VWA8: variants seen among roughly 807,000 people sequenced by gnomAD.
VWA8 encodes the protein von Willebrand factor A domain containing 8.
VWA8 carries 221 observed loss-of-function variants against 241.5 expected under a neutral mutation model. The observed-to-expected ratio is 0.91, with a 90% confidence interval of 0.82 to 1.02. The LOEUF (loss-of-function observed/expected upper bound fraction) is 1.02, where lower values mean the gene tolerates loss of function less well. VWA8 is among the 50% of genes least tolerant of loss of function. VWA8 has a pLI of 0.00. For synonymous variants in VWA8, 852 were observed against 827.1 expected (o/e 1.03, Z -0.52); for missense variants, 2,322 against 2,328.7 (o/e 1.00, Z 0.06).
At chr13:41,875,972 A>T (rs1873878932) in intron 9 of VWA8, among the ~76,000 whole-genome samples, 1 of 152,018 alleles carries the variant, frequency 6.6e-6, no homozygotes. Flanking sequence ...CTCCAACTTC[A>T]TCATTCACGT....
At chr13:41,691,257 G>C in intron 32 of VWA8, 63 bp downstream of exon 32, 11 of 1,542,608 alleles carry the variant, frequency 7.1e-6, no homozygotes, top group Non-Finnish European at 9.6e-6. Context: ...AAAGATGTTG[G>C]ATAATTCATA....
At chr13:41,851,002 T>C (rs1314053818) in intron 12 of VWA8, among the ~76,000 whole-genome samples, 1 of 152,158 alleles carries the variant, frequency 6.6e-6, no homozygotes, top group Non-Finnish European at 1.5e-5. Flanking sequence ...ATAGAAACCA[T>C]AGTTACATAT....
chr13:41,890,405 G>C (rs895149590), intron 5 of VWA8, among the ~76,000 whole-genome samples: 17 of 152,192 alleles, frequency 1.1e-4, no homozygotes, highest in Non-Finnish European at 1.8e-4. Context: ...CAGAAGGCTG[G>C]GTTAGCCACA....
intron 12 of VWA8, among the ~76,000 whole-genome samples, chr13:41,834,187 G>A (rs1274282050): frequency 6.6e-6 from 1 of 152,300 alleles, no homozygotes; most frequent in African/African-American, 2.4e-5. Flanking sequence ...ATAAAATAGT[G>A]TAACAGACTT....
chr13:41,620,796 C>T (rs1286998570), intron 37 of VWA8, among the ~76,000 whole-genome samples: 1 of 152,124 alleles, frequency 6.6e-6, no homozygotes, highest in African/African-American at 2.4e-5. Flanking sequence ...AATAAATAGT[C>T]AAATGACACT....
Position 41,590,683 on chromosome 13 carries a change from C to A in VWA8, c.5069G>T (p.Gly1690Val). The part of the protein sequence containing the change: ...DDAKIIDGLT[G>V]EKAIYKRRGE... ...CCGACGTTTGTAGATGGCTTTTTCTCCAGTCAGCCCATCAATGATCTTGGC... is the reference window on the plus strand; with the variant it reads ...CCGACGTTTGTAGATGGCTTTTTCTACAGTCAGCCCATCAATGATCTTGGC... The change falls in exon 41 of 45, where the codon GGA (glycine) becomes GTA (valine). Residue 1690 changes from glycine (G) to valine (V), a missense_variant. Transcript: ENST00000379310. 6.2e-7 allele frequency: 1 copy of A among 1,614,080 alleles called. No homozygotes were observed. The highest frequency in any genetic ancestry group is 8.5e-7 in the Non-Finnish European group (1 of 1,180,008).
intron 2 of VWA8, among the ~76,000 whole-genome samples, chr13:41,949,031 TAAAAAAAAA>T (rs35506856): frequency 4.7e-5 from 3 of 63,402 alleles, no homozygotes; most frequent in African/African-American, 1.9e-4. Flanking sequence ...TCTACCATCA[TAAAAAAAAA>T]AAAAAAAAAA....
intron 2 of VWA8, among the ~76,000 whole-genome samples, chr13:41,937,957 T>C (rs546343702): frequency 1.7e-4 from 26 of 152,014 alleles, no homozygotes; most frequent in Non-Finnish European, 1.5e-4. Context: ...GGTCATGAGT[T>C]TGAGATCAGC....
At position 41,832,873 on chromosome 13, in the gene VWA8, GC is replaced by G. The variant is rs35991809; in HGVS notation, c.1586+497del. 9.5e-3 allele frequency among the ~76,000 whole-genome samples: 1,440 copies of G among 151,874 alleles called. 11 individuals carry two copies. The highest frequency in any genetic ancestry group is 0.032 in the African/African-American group (1,324 of 41,416). The stretch of plus-strand genomic sequence containing the variant: ...TTCAAGTTTATAATTAACAAAGTGA[GC>G]TTTTTTAGTCTATATAAAATATAAT... On this transcript the variant is annotated intron_variant, in intron 13 of 44. Transcript: ENST00000379310.
At chr13:41,699,005 GT>G in intron 29 of VWA8, 65 bp downstream of exon 29, 5 of 1,598,740 alleles carry the variant, frequency 3.1e-6, no homozygotes, top group Non-Finnish European at 4.3e-6. Flanking sequence ...TCAGTTATAG[GT>G]TTCTAATCAC....
At chr13:41,818,530 TC>T (rs1445942115) in intron 15 of VWA8, among the ~76,000 whole-genome samples, 1 of 151,928 alleles carries the variant, frequency 6.6e-6, no homozygotes, top group Admixed American at 6.5e-5. Context: ...ATCACACCAC[TC>T]CAGCGTGGGC....
chr13:41,886,844 G>C lies in VWA8; in HGVS notation c.817-14C>G, dbSNP rs183713853. On this transcript the variant is annotated splice_polypyrimidine_tract_variant and intron_variant, in intron 6 of 44. Coordinates refer to ENST00000379310, the MANE Select transcript of VWA8 (RefSeq NM_015058.2). ...CTTAAGTTGGTCCTAAAGTAATACAGAAACATATTAAATTAATTAACAAGA... is the reference window on the plus strand; with the variant it reads ...CTTAAGTTGGTCCTAAAGTAATACACAAACATATTAAATTAATTAACAAGA... The C allele has an allele frequency of 1.2e-4, 182 of 1,551,900 alleles. No homozygotes were observed. The East Asian group carries it at 4.1e-3, about 35-fold the overall frequency.
chr13:41,672,241 T>A (rs576430213), intron 36 of VWA8, among the ~76,000 whole-genome samples: 2 of 152,246 alleles, frequency 1.3e-5, no homozygotes, highest in Non-Finnish European at 2.9e-5. Flanking sequence ...AAGGAATGTA[T>A]AGATTTCTTA....
At chr13:41,675,067 C>T (rs991050400) in intron 36 of VWA8, 148 bp downstream of exon 36, 1 of 540,594 alleles carries the variant, frequency 1.8e-6, no homozygotes, top group Non-Finnish European at 3.2e-6. Context: ...TTCAGAAGAA[C>T]AGCAAGATAG....
chr13:41,884,890 TATAC>T (rs10544998), intron 8 of VWA8, among the ~76,000 whole-genome samples: 35,986 of 149,798 alleles, frequency 0.24, 4,334 homozygotes, highest in Non-Finnish European at 0.26. Flanking sequence ...AACATACATA[TATAC>T]ATACATACAT....
At chr13:41,928,441 G>C (rs913479350) in intron 2 of VWA8, among the ~76,000 whole-genome samples, 1 of 151,896 alleles carries the variant, frequency 6.6e-6, no homozygotes, top group Non-Finnish European at 1.5e-5. Context: ...ACAGTAACAG[G>C]AAGAATCCTG....
chr13:41,624,717 A>G (rs2044677949), intron 37 of VWA8, among the ~76,000 whole-genome samples: 1 of 152,232 alleles, frequency 6.6e-6, no homozygotes, highest in Non-Finnish European at 1.5e-5. Context: ...AGCCAACATC[A>G]TACTGAATGG....
chr13:41,646,358 T>C (rs763998655), intron 37 of VWA8, among the ~76,000 whole-genome samples: 1 of 152,236 alleles, frequency 6.6e-6, no homozygotes, highest in Non-Finnish European at 1.5e-5. Context: ...GTAATGATGA[T>C]GAGTGACGAC....
chr13:41,738,729 C>G (rs1484563080), intron 21 of VWA8, among the ~76,000 whole-genome samples: 1 of 152,020 alleles, frequency 6.6e-6, no homozygotes, highest in African/African-American at 2.4e-5. Flanking sequence ...CATCATTTTC[C>G]TTTTTCCTGA....
Sources: gnomAD v4.1 joint callset for allele counts (sites outside exome capture counted in the v4.1 genomes callset) on GRCh38, gnomAD v4.1.1 for gene constraint, MANE v1.5 for transcripts, NCBI Gene and HGNC (gene_info 2026-07-23, HGNC 2026-07-21) for gene names.